CD109: variants seen among roughly 807,000 people sequenced by gnomAD.
CD109 encodes CD109 antigen.
In CD109, 149 loss-of-function variants were observed where a neutral mutation model predicts 165.8. The observed-to-expected ratio is 0.90, with a 90% CI of 0.79 to 1.03. CD109 has a LOEUF of 1.03. Ranked by LOEUF, CD109 falls within the 50% of genes least tolerant of loss-of-function variation. The pLI is 0.00. For synonymous variants in CD109, 585 were observed against 592.1 expected, an observed-to-expected ratio of 0.99 and a Z score of 0.18; for missense variants, 1,712 against 1,677.8, an observed-to-expected ratio of 1.02 and a Z score of -0.36.
chr6:73,685,244 G>A, the CD109 span, among the ~76,000 whole-genome samples: 1 of 151,968 alleles, frequency 6.6e-6, no homozygotes, highest in Admixed American at 6.6e-5. Flanking sequence ...TTGTTATTGA[G>A]TAGTTTGAGT....
At chr6:73,773,127 A>G (rs191666510) in intron 15 of CD109, among the ~76,000 whole-genome samples, 2,140 of 151,136 alleles carry the variant, frequency 0.014, 42 homozygotes, top group African/African-American at 0.046. Flanking sequence ...ATACATACAC[A>G]TACACACACA....
intron 1 of CD109, 21 bp from the exon 2 acceptor site, chr6:73,697,378 TC>T (rs1156864650): frequency 1.2e-6 from 2 of 1,604,542 alleles, no homozygotes; most frequent in Admixed American, 3.5e-5. Context: ...ACTTTGTTTT[TC>T]CCTTGTTGGG....
intron 26 of CD109, 121 bp downstream of exon 26, chr6:73,808,369 C>A: frequency 1.0e-6 from 1 of 964,442 alleles, no homozygotes; most frequent in Non-Finnish European, 1.5e-6. Flanking sequence ...AAGTAAAACA[C>A]ATAATGAGAT....
intron 14 of CD109, 150 bp downstream of exon 14, chr6:73,768,381 T>C (rs1232121176): frequency 8.5e-6 from 5 of 585,818 alleles, no homozygotes; most frequent in Non-Finnish European, 1.5e-5. Context: ...CTTTTCAATA[T>C]TTAGCATTAC....
chr6:73,770,893 A>C (rs1156695669), intron 14 of CD109, among the ~76,000 whole-genome samples: 1 of 152,196 alleles, frequency 6.6e-6, no homozygotes, highest in Non-Finnish European at 1.5e-5. Context: ...GAGGAAGTTT[A>C]GAAGGCCATG....
chr6:73,762,284 G>T, intron 7 of CD109, 100 bp from the exon 8 acceptor site: 1 of 801,320 alleles, frequency 1.2e-6, no homozygotes. Flanking sequence ...TAAAATGTTA[G>T]ATTGCTAATT....
intron 14 of CD109, 90 bp downstream of exon 14, chr6:73,768,321 C>A: frequency 1.3e-6 from 1 of 767,266 alleles, no homozygotes; most frequent in Non-Finnish European, 2.1e-6. Context: ...TATCATTAAG[C>A]CAAACTGGTT....
In CD109 at chr6:73,818,399, C is replaced by A. The variant is rs149142554; in HGVS notation, c.3923C>A (p.Pro1308Gln). ...CCTCTTTGATTTAGCTTTTCGGGCC[C>A]GGGTAGGAGTGGCATGGCTCTTATG... ...DLNVCTSFSGPGRSGMALMEV... is the reference protein window; with the variant it reads ...DLNVCTSFSGQGRSGMALMEV... Residue 1308 changes from proline to glutamine, a missense_variant, in exon 31 of 33, where the codon CCG (proline) becomes CAG (glutamine). Physicochemically the swap from Pro to Gln is moderately conservative, Grantham distance 76 (BLOSUM62 -1). Coordinates refer to ENST00000287097, the MANE Select transcript of CD109 (RefSeq NM_133493.5). 6 of 1,613,680 alleles carry A rather than the reference C, an allele frequency of 3.7e-6. No homozygotes were observed. Among genetic ancestry groups the A allele is most frequent in the Non-Finnish European group, 5.1e-6 (6 of 1,179,884 alleles).
At chr6:73,767,466 A>G (rs1275882370) in intron 13 of CD109, among the ~76,000 whole-genome samples, 1 of 152,174 alleles carries the variant, frequency 6.6e-6, no homozygotes, top group East Asian at 1.9e-4. Context: ...TTTGATGGGC[A>G]TTTAGGTTGA....
chr6:73,765,200 G>A (rs1268857324), intron 10 of CD109, among the ~76,000 whole-genome samples: 1 of 152,070 alleles, frequency 6.6e-6, no homozygotes, highest in Non-Finnish European at 1.5e-5. Flanking sequence ...GGTGCACTCA[G>A]GTAGTGTTTG....
chr6:73,809,840 G>A, intron 26 of CD109, 144 bp from the exon 27 acceptor site: 4 of 578,290 alleles, frequency 6.9e-6, no homozygotes, highest in Non-Finnish European at 1.2e-5. Flanking sequence ...ATAAATACAT[G>A]TCTGGCATAA....
intron 10 of CD109, among the ~76,000 whole-genome samples, chr6:73,765,703 T>C (rs775213028): frequency 2.0e-5 from 3 of 151,738 alleles, no homozygotes; most frequent in Non-Finnish European, 4.4e-5. Flanking sequence ...AGGTAGGAAG[T>C]GAAGGGGGTT....
At chr6:73,685,236 G>C in the CD109 span, among the ~76,000 whole-genome samples, 1 of 151,940 alleles carries the variant, frequency 6.6e-6, no homozygotes, top group South Asian at 2.1e-4. Context: ...TTGTTTTCTT[G>C]TTATTGAGTA....
Position 73,766,091 on chromosome 6 carries a change from C to A in CD109, c.1269C>A (p.Pro423=). ...EAVQKINYTV[P]QSGTFKIEFP... ...TTCAGAAAATAAATTATACTGTCCC[C>A]CAAAGTGGAACTTTTAAGATTGAAT... The change falls in exon 11 of 33, where the codon CCC becomes CCA. Residue 423 remains proline (P), a synonymous_variant. Transcript: ENST00000287097. 1.2e-6 allele frequency: 2 copies of A among 1,614,106 alleles called. No homozygotes were observed. Among genetic ancestry groups the A allele is most frequent in the Middle Eastern group, 1.6e-4 (1 of 6,062 alleles).
chr6:73,820,497 G>C lies in CD109; in HGVS notation c.4096G>C (p.Val1366Leu). Residue 1366 changes from valine to leucine, a missense_variant, in exon 32 of 33, where the codon GTG becomes CTG. Val to Leu is a conservative substitution (Grantham distance 32). Transcript: ENST00000287097. ...CCAGTTTTGTGTTAATATTCCTGCT[G>C]TGAGAAACTTTAAAGTTTCAAATAC... ...ETQFCVNIPA[V>L]RNFKVSNTQD... The C allele has an allele frequency of 6.2e-7, 1 of 1,612,194 alleles. No homozygotes were observed. Among genetic ancestry groups the C allele is most frequent in the Non-Finnish European group, 8.5e-7 (1 of 1,178,844 alleles).
rs370347488 is a variant in CD109, at chr6:73,803,331, G to A, written c.2960+30G>A. The A allele has an allele frequency of 1.2e-3, 1,815 of 1,557,012 alleles. 58 individuals are homozygous for A. The South Asian group carries it at 0.019, about 16-fold the overall frequency. On this transcript the variant is annotated intron_variant, in intron 24 of 32. Coordinates refer to ENST00000287097, the MANE Select transcript of CD109 (RefSeq NM_133493.5). The stretch of plus-strand genomic sequence containing the variant: ...GTGTTTTTGCCAACTGAACAAATCC[G>A]TGTCATGGAATGGGCTTTCACTAGG...
At chr6:73,764,043 C>G (rs935437771) in intron 10 of CD109, among the ~76,000 whole-genome samples, 2 of 152,032 alleles carry the variant, frequency 1.3e-5, no homozygotes, top group African/African-American at 4.8e-5. Context: ...GTAGTTCTAA[C>G]AAAGATGTTA....
the CD109 span, among the ~76,000 whole-genome samples, chr6:73,688,935 A>G: frequency 6.6e-6 from 1 of 151,406 alleles, no homozygotes; most frequent in Non-Finnish European, 1.5e-5. Flanking sequence ...CATCTGGCTA[A>G]TTTTTTTGAT....
At chr6:73,791,576 G>A (rs1025991693) in intron 22 of CD109, among the ~76,000 whole-genome samples, 6 of 151,958 alleles carry the variant, frequency 3.9e-5, no homozygotes, top group African/African-American at 1.4e-4. Flanking sequence ...GAAATACCCC[G>A]AGGCTTAATT....
Sources: gnomAD v4.1 joint callset for allele counts (sites outside exome capture counted in the v4.1 genomes callset) on GRCh38, gnomAD v4.1.1 for gene constraint, MANE v1.5 for transcripts, NCBI Gene and HGNC (gene_info 2026-07-23, HGNC 2026-07-21) for gene names.